The following ARHGAP6 variants were observed in gnomAD, a reference collection of about 807,000 sequenced individuals.
ARHGAP6 encodes the protein Rho GTPase activating protein 6.
In ARHGAP6, 16 loss-of-function variants were observed where a neutral mutation model predicts 55.7. The ratio of observed to expected loss-of-function variants is 0.29; its 90% confidence interval spans 0.19 to 0.44. ARHGAP6 has a LOEUF of 0.44. ARHGAP6 is among the 20% of genes least tolerant of loss of function. The probability of loss-of-function intolerance (pLI) is 1.00; values close to 1 mark genes in which losing one functional copy is unlikely to be tolerated. For missense variants in ARHGAP6, 698 were observed against 808.9 expected, an observed-to-expected ratio of 0.86 and a Z score of 1.66; for synonymous variants, 382 against 360.9, an observed-to-expected ratio of 1.06 and a Z score of -0.66.
chrX:11,610,942 T>C (rs1286244882), intron 1 of ARHGAP6, among the ~76,000 whole-genome samples: 1 of 112,599 alleles, frequency 8.9e-6, no homozygotes, highest in Non-Finnish European at 1.9e-5. Flanking sequence ...CTTTTGTGTT[T>C]GGCTTCTTTC....
At chrX:11,607,591 A>G (rs2052050255) in intron 1 of ARHGAP6, among the ~76,000 whole-genome samples, 2 of 112,489 alleles carry the variant, frequency 1.8e-5, no homozygotes, top group African/African-American at 6.5e-5. Flanking sequence ...TAGACAAAGT[A>G]ACTGAGAATC....
intron 1 of ARHGAP6, chrX:11,298,923 C>T: frequency 1.7e-6 from 2 of 1,211,248 alleles, no homozygotes; most frequent in Non-Finnish European, 2.2e-6. Flanking sequence ...GCTTCCTGAT[C>T]TGACTCTGGA....
At chrX:11,607,907 G>A (rs1172683344) in intron 1 of ARHGAP6, among the ~76,000 whole-genome samples, 1 of 111,995 alleles carries the variant, frequency 8.9e-6, no homozygotes, top group African/African-American at 3.2e-5. Flanking sequence ...AAAAATAAGG[G>A]GAAATAATCA....
At chrX:11,520,844 G>T (rs1447284963) in intron 1 of ARHGAP6, among the ~76,000 whole-genome samples, 2 of 111,587 alleles carry the variant, frequency 1.8e-5, no homozygotes, top group African/African-American at 3.3e-5. Context: ...ACTTTTGAAT[G>T]ATCGCCATTC....
At chrX:11,305,819 A>G (rs1455820388) in intron 1 of ARHGAP6, among the ~76,000 whole-genome samples, 1 of 111,893 alleles carries the variant, frequency 8.9e-6, no homozygotes, top group Non-Finnish European at 1.9e-5. Context: ...GATTCTTTTG[A>G]TTAAGAAGTT....
At chrX:11,174,518 TTTCC>T (rs1183794863) in intron 8 of ARHGAP6, among the ~76,000 whole-genome samples, 1,166 of 69,496 alleles carry the variant, frequency 0.017, 27 homozygotes, top group Middle Eastern at 0.04. Flanking sequence ...TCTTTCTTTC[TTTCC>T]TTCCTTCCTT....
chrX:11,410,219 C>T (rs2049663131), intron 1 of ARHGAP6, among the ~76,000 whole-genome samples: 1 of 112,014 alleles, frequency 8.9e-6, no homozygotes, highest in Non-Finnish European at 1.9e-5. Flanking sequence ...ACTGAAAACA[C>T]CACAAATGTC....
intron 1 of ARHGAP6, among the ~76,000 whole-genome samples, chrX:11,571,244 T>C (rs2051511817): frequency 8.9e-6 from 1 of 111,803 alleles, no homozygotes; most frequent in African/African-American, 3.3e-5. Context: ...AAAATTCTTT[T>C]GGGGTTAATG....
intron 1 of ARHGAP6, among the ~76,000 whole-genome samples, chrX:11,498,984 C>A (rs2050651065): frequency 8.9e-6 from 1 of 111,923 alleles, no homozygotes; most frequent in African/African-American, 3.2e-5. Flanking sequence ...TGCATTTGGT[C>A]AGGGTCTCTG....
At chrX:11,583,271 A>C (rs183384607) in intron 1 of ARHGAP6, among the ~76,000 whole-genome samples, 56 of 112,434 alleles carry the variant, frequency 5.0e-4, no homozygotes, top group African/African-American at 1.7e-3. Flanking sequence ...ATTGAAATCA[A>C]GTACATCCCA....
intron 1 of ARHGAP6, among the ~76,000 whole-genome samples, chrX:11,285,867 T>C (rs1331803356): frequency 2.7e-5 from 3 of 112,680 alleles, no homozygotes; most frequent in East Asian, 5.5e-4. Flanking sequence ...TTCCTCTTTT[T>C]AGTCCATTCC....
intron 1 of ARHGAP6, among the ~76,000 whole-genome samples, chrX:11,414,067 C>G (rs1372785287): frequency 2.7e-5 from 3 of 112,247 alleles, no homozygotes; most frequent in African/African-American, 9.7e-5. Context: ...AATATGTGTC[C>G]CTTTCTTTTG....
chrX:11,327,462 T>C (rs1450449735), intron 1 of ARHGAP6, among the ~76,000 whole-genome samples: 4 of 112,390 alleles, frequency 3.6e-5, no homozygotes, highest in African/African-American at 1.3e-4. Flanking sequence ...AAATATTTGA[T>C]GTTGCTGGAT....
chrX:11,152,246 C>G (rs2045791733), intron 10 of ARHGAP6, among the ~76,000 whole-genome samples: 1 of 112,190 alleles, frequency 8.9e-6, no homozygotes, highest in African/African-American at 3.2e-5. Context: ...CAATCTGGCT[C>G]TGGATCTGAA....
chrX:11,261,917 G>C (rs1275374074), intron 1 of ARHGAP6, among the ~76,000 whole-genome samples: 1 of 111,660 alleles, frequency 9.0e-6, no homozygotes, highest in Non-Finnish European at 1.9e-5. Flanking sequence ...CAACTATCTG[G>C]ATCAACTTGT....
chrX:11,341,587 G>A (rs2048706888), intron 1 of ARHGAP6, among the ~76,000 whole-genome samples: 1 of 111,726 alleles, frequency 9.0e-6, no homozygotes, highest in Non-Finnish European at 1.9e-5. Context: ...CCACATGTAC[G>A]CCCACGCCTG....
At chrX:11,377,101 C>T (rs1377325448) in intron 1 of ARHGAP6, among the ~76,000 whole-genome samples, 1 of 112,188 alleles carries the variant, frequency 8.9e-6, no homozygotes, top group East Asian at 2.8e-4. Flanking sequence ...CTTCAACTTG[C>T]ACACTCCAAA....
At chrX:11,580,083 C>G (rs1699034030) in intron 1 of ARHGAP6, among the ~76,000 whole-genome samples, 1 of 111,562 alleles carries the variant, frequency 9.0e-6, no homozygotes, top group Admixed American at 9.6e-5. Flanking sequence ...CAGAAAATCC[C>G]CTTGAAAGTG....
chrX:11,228,924 C>T (rs761297431), intron 2 of ARHGAP6, among the ~76,000 whole-genome samples: 4 of 111,911 alleles, frequency 3.6e-5, no homozygotes, highest in Non-Finnish European at 5.6e-5. Context: ...AATGCCAGAC[C>T]TCGTTACTGT....
Sources: allele counts gnomAD v4.1 joint callset (sites outside exome capture counted in the v4.1 genomes callset), GRCh38; gene constraint gnomAD v4.1.1; transcripts MANE v1.5; gene names NCBI Gene and HGNC (gene_info 2026-07-23, HGNC 2026-07-21).